Variants in CWC27 observed in about 807,000 individuals in gnomAD.
CWC27 encodes CWC27 spliceosome associated cyclophilin.
Under a neutral mutation model 63.6 loss-of-function variants are expected in CWC27, and 47 were observed. The ratio of observed to expected loss-of-function variants is 0.74; its 90% CI spans 0.58 to 0.94. The LOEUF is 0.94. Among genes scored for constraint, CWC27 ranks in the 40% least tolerant of loss-of-function variants. The pLI, the probability that CWC27 is intolerant of heterozygous loss-of-function variation, is 0.00. For synonymous variants in CWC27, 175 were observed against 179.8 expected (o/e 0.97, Z 0.22); for missense variants, 495 against 554.3 (o/e 0.89, Z 1.07).
intron 10 of CWC27, among the ~76,000 whole-genome samples, chr5:64,811,630 A>G (rs1744881956): frequency 6.6e-6 from 1 of 152,024 alleles, no homozygotes; most frequent in Admixed American, 6.6e-5. Context: ...GCCATGTTCT[A>G]CTTATATGCC....
At chr5:64,831,656 C>G (rs780824083) in intron 10 of CWC27, among the ~76,000 whole-genome samples, 24 of 151,842 alleles carry the variant, frequency 1.6e-4, no homozygotes, top group Non-Finnish European at 2.8e-4. Context: ...ATACACCAAA[C>G]CCCTGTGACA....
intron 10 of CWC27, among the ~76,000 whole-genome samples, chr5:64,868,335 T>C (rs1224065581): frequency 2.6e-5 from 4 of 152,110 alleles, no homozygotes; most frequent in Non-Finnish European, 5.9e-5. Context: ...CTTTCTTAAG[T>C]ATTTCCTAGT....
intron 1 of CWC27, among the ~76,000 whole-genome samples, chr5:64,772,796 G>C (rs767114240): frequency 7.9e-5 from 12 of 151,944 alleles, no homozygotes; most frequent in Middle Eastern, 3.4e-3. Context: ...AATTAGCTGG[G>C]TGTGGCGGTG....
intron 10 of CWC27, among the ~76,000 whole-genome samples, chr5:64,840,388 AAAAAAAAT>A (rs1218783008): frequency 1.1e-4 from 5 of 45,354 alleles, no homozygotes; most frequent in Non-Finnish European, 1.2e-4. Flanking sequence ...AAAAAAAAAA[AAAAAAAAT>A]ATATATATAT....
At chr5:64,781,723 A>G (rs1338825138) in intron 2 of CWC27, among the ~76,000 whole-genome samples, 198 bp from the exon 3 acceptor site, 2 of 152,208 alleles carry the variant, frequency 1.3e-5, no homozygotes, top group African/African-American at 2.4e-5. Flanking sequence ...CAAGAAGTCA[A>G]CAGTGATGGT....
chr5:64,863,224 G>A (rs911480033), intron 10 of CWC27, among the ~76,000 whole-genome samples: 1 of 151,888 alleles, frequency 6.6e-6, no homozygotes, highest in African/African-American at 2.4e-5. Context: ...TGTATTTTCT[G>A]CTACCTATAA....
chr5:64,965,893 GACT>G (rs1749004416), intron 11 of CWC27, among the ~76,000 whole-genome samples: 1 of 152,110 alleles, frequency 6.6e-6, no homozygotes, highest in East Asian at 1.9e-4. Flanking sequence ...TAAGAAGAAT[GACT>G]AATGCTACAA....
chr5:64,784,352 T>C (rs575355140), intron 4 of CWC27, among the ~76,000 whole-genome samples: 2 of 152,328 alleles, frequency 1.3e-5, no homozygotes, highest in Non-Finnish European at 2.9e-5. Context: ...TGGATTTTCT[T>C]AAGTTTAAAG....
chr5:64,886,021 G>A (rs1286021316), intron 11 of CWC27, among the ~76,000 whole-genome samples: 1 of 152,078 alleles, frequency 6.6e-6, no homozygotes, highest in Non-Finnish European at 1.5e-5. Context: ...GTAAACATTT[G>A]TGTGTTGGTT....
intron 11 of CWC27, among the ~76,000 whole-genome samples, chr5:64,918,649 A>G (rs1311681751): frequency 6.6e-6 from 1 of 152,206 alleles, no homozygotes; most frequent in East Asian, 1.9e-4. Flanking sequence ...TATTATTCTA[A>G]GATACAAAAA....
chr5:65,003,243 G>T (rs1407586610), intron 13 of CWC27, among the ~76,000 whole-genome samples: 1 of 152,178 alleles, frequency 6.6e-6, no homozygotes, highest in Non-Finnish European at 1.5e-5. Flanking sequence ...ATTCAGTCTG[G>T]CTTTGCCTTT....
At chr5:64,791,998 T>C (rs886290504) in intron 7 of CWC27, among the ~76,000 whole-genome samples, 3 of 152,108 alleles carry the variant, frequency 2.0e-5, no homozygotes, top group Non-Finnish European at 2.9e-5. Flanking sequence ...TGGTAGTCTA[T>C]AGACCAGTTT....
At chr5:64,782,679 C>G (rs1238977998) in intron 3 of CWC27, among the ~76,000 whole-genome samples, 2 of 152,068 alleles carry the variant, frequency 1.3e-5, no homozygotes, top group Admixed American at 1.3e-4. Context: ...ATTGGTATCT[C>G]TTAAAATATG....
At chr5:64,870,958 C>G (rs1287660391) in intron 10 of CWC27, among the ~76,000 whole-genome samples, 1 of 152,072 alleles carries the variant, frequency 6.6e-6, no homozygotes. Flanking sequence ...AGCTTGAGCA[C>G]TTTGGGATTC....
intron 11 of CWC27, among the ~76,000 whole-genome samples, chr5:64,921,811 T>C (rs1022777457): frequency 3.3e-5 from 5 of 152,210 alleles, no homozygotes; most frequent in Non-Finnish European, 7.3e-5. Flanking sequence ...TTTGTTTCCA[T>C]ATGTAGCACT....
intron 10 of CWC27, among the ~76,000 whole-genome samples, chr5:64,878,543 C>T (rs1281647001): frequency 1.6e-5 from 2 of 127,212 alleles, no homozygotes; most frequent in Non-Finnish European, 3.2e-5. Context: ...TAAATCTTTG[C>T]ATCAGTTTTG....
chr5:64,985,112 C>G (rs904124719), intron 13 of CWC27, among the ~76,000 whole-genome samples: 1 of 152,124 alleles, frequency 6.6e-6, no homozygotes, highest in African/African-American at 2.4e-5. Context: ...TTCTTGGACT[C>G]TCTATTCTGT....
intron 10 of CWC27, among the ~76,000 whole-genome samples, chr5:64,874,864 T>C (rs1220557514): frequency 7.9e-5 from 12 of 151,806 alleles, no homozygotes; most frequent in Non-Finnish European, 1.8e-4. Flanking sequence ...TTATCTAGTA[T>C]ACTGCCTTAC....
chr5:64,813,593 A>G (rs115502160), intron 10 of CWC27, among the ~76,000 whole-genome samples: 461 of 152,318 alleles, frequency 3.0e-3, no homozygotes, highest in Non-Finnish European at 4.9e-3. Flanking sequence ...GAATCCATTG[A>G]TCTCACTGCA....
Sources: allele counts gnomAD v4.1 joint callset (sites outside exome capture counted in the v4.1 genomes callset), GRCh38; gene constraint gnomAD v4.1.1; transcripts MANE v1.5; gene names NCBI Gene and HGNC (gene_info 2026-07-23, HGNC 2026-07-21).